ALPK3: variants seen among roughly 807,000 people sequenced by gnomAD.
ALPK3 encodes alpha-protein kinase 3.
In ALPK3, 102 loss-of-function variants were observed where a neutral mutation model predicts 140.0. The observed-to-expected ratio is 0.73, with a 90% CI of 0.62 to 0.86. The LOEUF is 0.86. ALPK3 is among the 40% of genes least tolerant of loss of function. The pLI is 0.00. For missense variants in ALPK3, 2,254 were observed against 2,208.2 expected (o/e 1.02, Z -0.42); for synonymous variants, 938 against 898.5 (o/e 1.04, Z -0.79).
chr15:84,863,706 T>C, intron 11 of ALPK3, 66 bp downstream of exon 11: 1 of 1,489,246 alleles, frequency 6.7e-7, no homozygotes, highest in Non-Finnish European at 9.1e-7. Context: ...GCAAAGACAG[T>C]GATTTCACAG....
rs564562539 is a variant in ALPK3 at position 84,838,768 on chromosome 15, C to A, written c.305-212C>A. On this transcript the variant is annotated intron_variant, in intron 3 of 13. Coordinates refer to ENST00000258888, the MANE Select transcript of ALPK3 (RefSeq NM_020778.5). ...TCAAGCAGCTGGGATTACAGGAGCC[C>A]GCCACCACGTCCGGGTAATTTTTTT... Among the ~76,000 whole-genome samples, 29 of 152,028 alleles carry A rather than the reference C, an allele frequency of 1.9e-4. 1 individual carries two copies. In the South Asian group the frequency reaches 6.0e-3, roughly 32 times the overall value.
chr15:84,847,248 A>AGAGAG (rs1963743288), intron 5 of ALPK3, among the ~76,000 whole-genome samples: 1 of 140,356 alleles, frequency 7.1e-6, no homozygotes, highest in Non-Finnish European at 1.6e-5. Context: ...AGAGAGAGAG[A>AGAGAG]GGAATCAGAA....
chr15:84,867,271 G>C (rs1964012379), intron 12 of ALPK3, 46 bp from the exon 13 acceptor site: 1 of 1,579,706 alleles, frequency 6.3e-7, no homozygotes, highest in Admixed American at 1.7e-5. Flanking sequence ...TGGGGGCTTA[G>C]AGCCAGCCCA....
At chr15:84,861,035 CAAAT>C (rs1460038812) in intron 9 of ALPK3, among the ~76,000 whole-genome samples, 1 of 152,198 alleles carries the variant, frequency 6.6e-6, no homozygotes, top group African/African-American at 2.4e-5. Context: ...TAATCAATAT[CAAAT>C]AAAACCTCAA....
Position 84,840,175 on chromosome 15 carries a change from C to A in ALPK3, c.896C>A (p.Ala299Asp), listed in dbSNP as rs144518681. The A allele has an allele frequency of 1.2e-5, 19 of 1,613,476 alleles. No homozygotes were observed. The African/African-American group carries it at 2.3e-4, about 19-fold the overall frequency. Residue 299 changes from alanine to aspartate, a missense_variant, in exon 5 of 14, where the codon GCC becomes GAC. Ala to Asp is a moderately radical substitution (Grantham distance 126). Around this residue, in one of 3 missense-constraint regions of ALPK3, gnomAD observed 2,088 missense variants for 2,022.9 expected, o/e 1.03. Transcript: ENST00000258888. ...EHGLLTYICD[A>D]MELGPQRALK... ...GGCTTGCTGACATACATCTGTGACGCCATGGAGCTGGGGCCTCAGAGAGCC... is the reference window on the plus strand; with the variant it reads ...GGCTTGCTGACATACATCTGTGACGACATGGAGCTGGGGCCTCAGAGAGCC...
Position 84,817,486 on chromosome 15 carries a change from G to C in ALPK3, c.34G>C (p.Gly12Arg). The C allele has an allele frequency of 7.0e-7, 1 of 1,435,660 alleles. No individual in the cohort carries two copies. Among genetic ancestry groups the C allele is most frequent in the Non-Finnish European group, 9.1e-7 (1 of 1,101,492 alleles). 88.9% of individuals were successfully genotyped at this position (1,435,660 alleles called of 1,614,324 possible). A position where few individuals can be genotyped will look rare whatever the true frequency, so the allele number is the denominator to read the frequency against. ...GCGGAGGGCCCCCAGCCGGGGCTGG[G>C]GCGCGGGTGGGCGGTCGGGGGCGGG... ...GSRRAPSRGW[G>R]AGGRSGAGGD... Residue 12 changes from glycine (G) to arginine (R), a missense_variant, in exon 1 of 14, where the codon GGC becomes CGC. Around this residue, in one of 3 missense-constraint regions of ALPK3, gnomAD observed 2,088 missense variants for 2,022.9 expected, o/e 1.03. Transcript: ENST00000258888.
chr15:84,830,181 C>T (rs1963531132), intron 3 of ALPK3, among the ~76,000 whole-genome samples: 1 of 152,124 alleles, frequency 6.6e-6, no homozygotes, highest in Non-Finnish European at 1.5e-5. Flanking sequence ...ATACGATATT[C>T]TGCAAGGTCA....
At chr15:84,826,128 T>C (rs915381388) in intron 2 of ALPK3, among the ~76,000 whole-genome samples, 1 of 152,156 alleles carries the variant, frequency 6.6e-6, no homozygotes, top group African/African-American at 2.4e-5. Flanking sequence ...AGTTCAGAAG[T>C]CTTACTTGAT....
Position 84,840,077 on chromosome 15 carries a change from C to T in ALPK3, c.798C>T (p.Ile266=), listed in dbSNP as rs1963642215. The change falls in exon 5 of 14, where the codon ATC becomes ATT. Residue 266 remains isoleucine (I), a synonymous_variant. Coordinates refer to ENST00000258888, the MANE Select transcript of ALPK3 (RefSeq NM_020778.5). The part of the protein sequence containing the change: ...ETAQHSGLGL[I]NSFASGEVTT... Reference sequence around the variant, plus strand: ...CTCAGCACTCAGGTTTGGGCCTGATCAACAGTTTTGCTTCTGGAGAAGTGA... The same window carrying T: ...CTCAGCACTCAGGTTTGGGCCTGATTAACAGTTTTGCTTCTGGAGAAGTGA... 3 of 1,613,880 alleles carry T rather than the reference C, an allele frequency of 1.9e-6. No individual in the cohort carries two copies. Among genetic ancestry groups the T allele is most frequent in the Non-Finnish European group, 2.5e-6 (3 of 1,180,004 alleles).
intron 3 of ALPK3, among the ~76,000 whole-genome samples, chr15:84,832,440 G>T (rs1166573037): frequency 6.6e-6 from 1 of 152,196 alleles, no homozygotes; most frequent in Non-Finnish European, 1.5e-5. Context: ...TTGAGGGAGG[G>T]TATGAAGATA....
chr15:84,826,334 A>T (rs1963488644), intron 2 of ALPK3, among the ~76,000 whole-genome samples: 1 of 152,136 alleles, frequency 6.6e-6, no homozygotes, highest in South Asian at 2.1e-4. Flanking sequence ...TTGGGTGACC[A>T]TCCCTTCCTC....
At chr15:84,820,119 T>C (rs1206452614) in intron 1 of ALPK3, among the ~76,000 whole-genome samples, 1 of 152,098 alleles carries the variant, frequency 6.6e-6, no homozygotes, top group African/African-American at 2.4e-5. Context: ...GGGCCAAAAT[T>C]GAGTAGAAGC....
At chr15:84,848,000 T>C (rs1396731031) in intron 5 of ALPK3, among the ~76,000 whole-genome samples, 1 of 151,636 alleles carries the variant, frequency 6.6e-6, no homozygotes, top group Non-Finnish European at 1.5e-5. Context: ...AGGCAGAGGT[T>C]GTGGTGAACT....
chr15:84,867,281 A>G (rs777366660), intron 12 of ALPK3, 36 bp from the exon 13 acceptor site: 56 of 1,605,600 alleles, frequency 3.5e-5, no homozygotes. Context: ...GAGCCAGCCC[A>G]GACTGGCATC....
chr15:84,833,195 T>C (rs1481158315), intron 3 of ALPK3, among the ~76,000 whole-genome samples: 2 of 152,156 alleles, frequency 1.3e-5, no homozygotes, highest in Non-Finnish European at 2.9e-5. Flanking sequence ...GTCTGTAAGG[T>C]TTCTGGGGCT....
At chr15:84,862,507 C>T (rs865805300) in intron 9 of ALPK3, 128 bp from the exon 10 acceptor site, 35 of 1,135,174 alleles carry the variant, frequency 3.1e-5, no homozygotes, top group Non-Finnish European at 3.8e-5. Context: ...AAAGAGCAGG[C>T]GTGGACGGAA....
chr15:84,843,457 A>G (rs1963690093), intron 5 of ALPK3, among the ~76,000 whole-genome samples: 1 of 152,178 alleles, frequency 6.6e-6, no homozygotes, highest in South Asian at 2.1e-4. Flanking sequence ...GACAAAAATT[A>G]GAGCCCATGG....
chr15:84,825,190 T>A (rs1046154990), intron 2 of ALPK3, among the ~76,000 whole-genome samples: 6 of 151,888 alleles, frequency 4.0e-5, no homozygotes, highest in African/African-American at 7.2e-5. Context: ...TTATTATTAT[T>A]TTTTTTTTGA....
chr15:84,854,280 G>A (rs1254208623), intron 5 of ALPK3, among the ~76,000 whole-genome samples: 1 of 148,102 alleles, frequency 6.8e-6, no homozygotes, highest in Non-Finnish European at 1.5e-5. Context: ...CTTCTTCTCT[G>A]CATTTTCTTC....
Sources: allele counts gnomAD v4.1 joint callset (sites outside exome capture counted in the v4.1 genomes callset), GRCh38; gene constraint gnomAD v4.1.1; regional missense constraint gnomAD v4.1.1; transcripts MANE v1.5; gene names NCBI Gene and HGNC (gene_info 2026-07-23, HGNC 2026-07-21).